The following PARP6 variants were observed in gnomAD, a reference collection of about 807,000 sequenced individuals.
PARP6 encodes protein mono-ADP-ribosyltransferase PARP6.
PARP6 carries 27 observed loss-of-function variants against 92.0 expected under a neutral mutation model. The observed-to-expected ratio is 0.29, with a 90% confidence interval of 0.22 to 0.40. PARP6 has a LOEUF of 0.40. PARP6 is among the 10% of genes least tolerant of loss of function. The pLI is 1.00. For synonymous variants in PARP6, 272 were observed against 281.2 expected (o/e 0.97, Z 0.33); for missense variants, 501 against 784.5 (o/e 0.64, Z 4.32).
chr15:72,246,639 A>C (rs1323189648), intron 20 of PARP6, among the ~76,000 whole-genome samples: 1 of 152,154 alleles, frequency 6.6e-6, no homozygotes, highest in Admixed American at 6.5e-5. Context: ...CACACACATA[A>C]TACACATATA....
chr15:72,265,373 C>T, intron 6 of PARP6, 40 bp downstream of exon 6: 1 of 1,553,202 alleles, frequency 6.4e-7, no homozygotes. Flanking sequence ...TTCCACAAGT[C>T]CAGCTAGACA....
At chr15:72,267,426 C>T (rs779271338) in intron 3 of PARP6, 49 bp downstream of exon 3, 1 of 1,604,106 alleles carries the variant, frequency 6.2e-7, no homozygotes, top group East Asian at 2.2e-5. Flanking sequence ...CACTTTGTCT[C>T]CTCTACCCTT....
chr15:72,271,600 T>C (rs1158024508), intron 1 of PARP6, among the ~76,000 whole-genome samples: 1 of 152,212 alleles, frequency 6.6e-6, no homozygotes, highest in Non-Finnish European at 1.5e-5. Context: ...ACCAATTTGC[T>C]TAAGGTTAGG....
intron 9 of PARP6, 123 bp from the exon 10 acceptor site, chr15:72,260,811 G>A: frequency 1.4e-6 from 1 of 727,440 alleles, no homozygotes; most frequent in East Asian, 2.5e-5. Flanking sequence ...ACTCATATCT[G>A]AGGAAAGTTG....
At position 72,260,638 on chromosome 15, in the gene PARP6, C is replaced by A; in HGVS notation, c.596G>T (p.Gly199Val). ...IQDSMLKGKL[G>V]VPELRVGRLM... ...GCGCCCAACCCGAAGCTCTGGTACA[C>A]CTAGTTTGCCTTTCAGCATGGAGTC... Residue 199 changes from glycine to valine, a missense_variant, in exon 10 of 24, where the codon GGT becomes GTT. Transcript: ENST00000569795. The A allele has an allele frequency of 1.9e-6, 3 of 1,614,190 alleles. No individual in the cohort carries two copies. The highest frequency in any genetic ancestry group is 1.1e-5 in the South Asian group (1 of 91,086).
At chr15:72,253,375 T>C in intron 16 of PARP6, 62 bp downstream of exon 16, 1 of 1,308,618 alleles carries the variant, frequency 7.6e-7, no homozygotes, top group Non-Finnish European at 1.1e-6. Flanking sequence ...AGGTACAGGT[T>C]CCATGTCCAA....
intron 20 of PARP6, 104 bp downstream of exon 20, chr15:72,249,141 C>A: frequency 1.7e-6 from 1 of 597,292 alleles, no homozygotes; most frequent in Admixed American, 2.4e-5. Context: ...AGAGCTGACA[C>A]AGACCAAGTA....
intron 10 of PARP6, among the ~76,000 whole-genome samples, chr15:72,260,210 T>C (rs1182621396): frequency 2.0e-5 from 3 of 152,104 alleles, no homozygotes; most frequent in Admixed American, 6.6e-5. Flanking sequence ...TCCCAGCTAC[T>C]TGACAGGCTG....
chr15:72,250,636 T>A (rs1343320333), intron 18 of PARP6, among the ~76,000 whole-genome samples: 1 of 152,234 alleles, frequency 6.6e-6, no homozygotes, highest in Non-Finnish European at 1.5e-5. Flanking sequence ...AATGTCATTT[T>A]TCCTCAACTA....
intron 18 of PARP6, 43 bp downstream of exon 18, chr15:72,250,802 C>T (rs780067145): frequency 5.3e-6 from 5 of 950,700 alleles, no homozygotes; most frequent in African/African-American, 4.8e-5. Flanking sequence ...TGCTCATCCC[C>T]GCCCCCTCAC....
chr15:72,258,109 C>T lies in PARP6; in HGVS notation c.834G>A (p.Arg278=). Residue 278 remains arginine, a synonymous_variant, in exon 12 of 24, where the codon AGG becomes AGA. Transcript: ENST00000569795. ...LVQIMKYAEQ[R]IPTLNEYCVV... ...CACAGTACTCATTCAATGTTGGAAT[C>T]CTCTGTTCTGCATACTTCATGATCT... 6.2e-7 allele frequency: 1 copy of T among 1,613,374 alleles called. No homozygotes were observed. Among genetic ancestry groups the T allele is most frequent in the South Asian group, 1.1e-5 (1 of 91,068 alleles).
At chr15:72,270,618 TC>T (rs2087280899) in intron 2 of PARP6, among the ~76,000 whole-genome samples, 1 of 152,200 alleles carries the variant, frequency 6.6e-6, no homozygotes, top group Admixed American at 6.5e-5. Flanking sequence ...TCCCTGCTGT[TC>T]CCCTTTCTTG....
chr15:72,259,660 A>C lies in PARP6; in HGVS notation c.758T>G (p.Val253Gly), dbSNP rs773022144. The change falls in exon 11 of 24, where the codon GTC becomes GGC. Residue 253 changes from valine to glycine, a missense_variant and splice_region_variant. Transcript: ENST00000569795. ...GGGAATGTTCTTGCAGTGACCACTG[A>C]CCTGGTGAGAGTAAAAAGACAGACC... ...LPPPARTSPL[V>G]SGHCKNIPTL... 25 of 1,613,920 alleles carry C rather than the reference A, an allele frequency of 1.5e-5. No individual in the cohort carries two copies. Among genetic ancestry groups the C allele is most frequent in the Non-Finnish European group, 2.0e-5 (24 of 1,179,824 alleles).
chr15:72,266,865 A>G (rs186002372), intron 3 of PARP6, 43 bp from the exon 4 acceptor site: 9 of 1,461,948 alleles, frequency 6.2e-6, no homozygotes, highest in Admixed American at 5.0e-5. Flanking sequence ...TTAGGTCCCT[A>G]TTATCCCATG....
chr15:72,261,297 A>C (rs2085851788), intron 9 of PARP6, among the ~76,000 whole-genome samples: 1 of 152,254 alleles, frequency 6.6e-6, no homozygotes, highest in African/African-American at 2.4e-5. Context: ...AAGAACAGAA[A>C]GATGGAAGAT....
intron 8 of PARP6, among the ~76,000 whole-genome samples, chr15:72,262,558 C>A (rs1328957958): frequency 1.3e-5 from 2 of 152,196 alleles, no homozygotes. Flanking sequence ...CTCCCTGTTG[C>A]CTTCCCATCC....
chr15:72,259,994 CTAGACAATT>C (rs1440323112), intron 10 of PARP6, among the ~76,000 whole-genome samples: 2 of 152,188 alleles, frequency 1.3e-5, no homozygotes, highest in Non-Finnish European at 2.9e-5. Flanking sequence ...GAGAAGCTCG[CTAGACAATT>C]TAGACATAAG....
At chr15:72,267,773 CAG>C (rs1274039679) in intron 2 of PARP6, 102 bp from the exon 3 acceptor site, 16 of 302,478 alleles carry the variant, frequency 5.3e-5, no homozygotes, top group African/African-American at 3.3e-4. Context: ...TTTTTTGAGA[CAG>C]AGTTTCGCTC....
intron 2 of PARP6, among the ~76,000 whole-genome samples, chr15:72,268,040 T>C (rs2086836163): frequency 6.6e-6 from 1 of 152,184 alleles, no homozygotes; most frequent in Admixed American, 6.5e-5. Flanking sequence ...GCGTGAGCCA[T>C]TGCACCTGGC....
Sources: allele counts gnomAD v4.1 joint callset (sites outside exome capture counted in the v4.1 genomes callset), GRCh38; gene constraint gnomAD v4.1.1; transcripts MANE v1.5; gene names NCBI Gene and HGNC (gene_info 2026-07-23, HGNC 2026-07-21).